Variants in ASXL2 observed in about 807,000 individuals in gnomAD.
ASXL2 encodes putative Polycomb group protein ASXL2.
In ASXL2, 23 loss-of-function variants were observed where a neutral mutation model predicts 122.0. The observed-to-expected ratio is 0.19, with a 90% CI of 0.14 to 0.27. The LOEUF (loss-of-function observed/expected upper bound fraction) is 0.27, where lower values mean the gene tolerates loss of function less well. Among genes scored for constraint, ASXL2 ranks in the 10% least tolerant of loss-of-function variants. The pLI is 1.00. For missense variants in ASXL2, 1,518 were observed against 1,713.8 expected (o/e 0.89, Z 2.02); for synonymous variants, 650 against 637.0 (o/e 1.02, Z -0.31).
chr2:25,778,579 A>G (rs1414835021), intron 5 of ASXL2, among the ~76,000 whole-genome samples: 1 of 152,224 alleles, frequency 6.6e-6, no homozygotes, highest in African/African-American at 2.4e-5. Context: ...AGATATTTAT[A>G]TATGTGAAAT....
At chr2:25,852,400 A>C (rs2089727105) in intron 1 of ASXL2, among the ~76,000 whole-genome samples, 1 of 152,254 alleles carries the variant, frequency 6.6e-6, no homozygotes, top group African/African-American at 2.4e-5. Flanking sequence ...AATAACGGGA[A>C]TATTTCAATT....
intron 3 of ASXL2, among the ~76,000 whole-genome samples, chr2:25,818,292 T>A (rs2089262208): frequency 6.6e-6 from 1 of 152,188 alleles, no homozygotes; most frequent in Non-Finnish European, 1.5e-5. Flanking sequence ...GTGGATCACT[T>A]GATGTCAGGA....
Position 25,871,514 on chromosome 2 carries a change from A to G in ASXL2, c.57+6652T>C, listed in dbSNP as rs557302713. Among the ~76,000 whole-genome samples, 19 of 151,758 alleles carry G rather than the reference A, an allele frequency of 1.3e-4. No individual in the cohort carries two copies. The South Asian group carries it at 3.9e-3, about 31-fold the overall frequency. On this transcript the variant is annotated intron_variant, in intron 1 of 12. Coordinates refer to ENST00000435504, the MANE Select transcript of ASXL2 (RefSeq NM_018263.6). The stretch of plus-strand genomic sequence containing the variant: ...ATCTGCTTTTTTCCCCTCCTTCAAC[A>G]AACTAGGAGGCTTGTGGGCTTTCAG...
In ASXL2 at chr2:25,743,783, C is replaced by G. The variant is rs1397489883; in HGVS notation, c.2554G>C (p.Asp852His). 3 of 1,613,918 alleles carry G rather than the reference C, an allele frequency of 1.9e-6. No homozygotes were observed. In the African/African-American group the frequency reaches 4.0e-5, roughly 22 times the overall value. ...CCTGCTTTGAGCTCAACTGTGCCAT[C>G]AGCTGCACAATGAACAGGTGAGGCA... ...SGASPVHCAA[D>H]GTVELKAGPS... The change falls in exon 13 of 13, where the codon GAT becomes CAT. Residue 852 changes from aspartate (D) to histidine (H), a missense_variant. Physicochemically the swap from Asp to His is moderately conservative, Grantham distance 81. Around this residue, in one of 8 missense-constraint regions of ASXL2, gnomAD observed 831 missense variants for 833.1 expected, o/e 1.00. Coordinates refer to ENST00000435504, the MANE Select transcript of ASXL2 (RefSeq NM_018263.6).
At chr2:25,750,563 AAAG>A in intron 11 of ASXL2, 150 bp from the exon 12 acceptor site, 1 of 724,970 alleles carries the variant, frequency 1.4e-6, no homozygotes, top group Non-Finnish European at 2.2e-6. Context: ...AGTAGTAGTG[AAAG>A]TTCTGGAGTC....
Position 25,813,877 on chromosome 2 carries a change from T to C in ASXL2, c.144-7540A>G, listed in dbSNP as rs188306622. Among the ~76,000 whole-genome samples the C allele has an allele frequency of 8.0e-4, 121 of 152,150 alleles. No individual in the cohort carries two copies. In the Middle Eastern group the frequency reaches 0.01, roughly 13 times the overall value. On this transcript the variant is annotated intron_variant, in intron 3 of 12. Transcript: ENST00000435504. ...CATCCTGGCTAACACGGTGAAACCCTGACTCTACTAAAAATACCAAAAATT... is the reference window on the plus strand; with the variant it reads ...CATCCTGGCTAACACGGTGAAACCCCGACTCTACTAAAAATACCAAAAATT...
At chr2:25,873,931 G>C (rs1247646047) in intron 1 of ASXL2, among the ~76,000 whole-genome samples, 1 of 152,114 alleles carries the variant, frequency 6.6e-6, no homozygotes, top group Non-Finnish European at 1.5e-5. Flanking sequence ...AGGCAAACAA[G>C]ATCAATAAGA....
chr2:25,784,674 G>C (rs2088708718), intron 5 of ASXL2, among the ~76,000 whole-genome samples: 1 of 152,192 alleles, frequency 6.6e-6, no homozygotes, highest in East Asian at 1.9e-4. Flanking sequence ...TTGGGTTATA[G>C]CAGCATCACT....
chr2:25,742,176 G>T lies in ASXL2; in HGVS notation c.4161C>A (p.Phe1387Leu). The T allele has an allele frequency of 6.2e-7, 1 of 1,614,030 alleles. No individual in the cohort carries two copies. Residue 1387 changes from phenylalanine to leucine, a missense_variant, in exon 13 of 13, where the codon TTC (phenylalanine) becomes TTA (leucine). Phe to Leu is a conservative substitution (Grantham distance 22). Coordinates refer to ENST00000435504, the MANE Select transcript of ASXL2 (RefSeq NM_018263.6). ...SHGQTIPVQA[F>L]SEENSIEGTP... Reference sequence around the variant, plus strand: ...TGCCCTCTATGCTGTTCTCTTCGGAGAACGCCTGAACAGGAATGGTCTGGC... The same window carrying T: ...TGCCCTCTATGCTGTTCTCTTCGGATAACGCCTGAACAGGAATGGTCTGGC...
chr2:25,870,625 T>C (rs553289205), intron 1 of ASXL2, among the ~76,000 whole-genome samples: 26 of 152,120 alleles, frequency 1.7e-4, no homozygotes, highest in African/African-American at 5.3e-4. Flanking sequence ...TAAGCCGTGA[T>C]TGAATGCCAC....
intron 1 of ASXL2, among the ~76,000 whole-genome samples, chr2:25,857,301 G>A (rs1351389934): frequency 6.6e-6 from 1 of 152,054 alleles, no homozygotes; most frequent in African/African-American, 2.4e-5. Flanking sequence ...ACATTCTACT[G>A]CAAAAATAGT....
intron 8 of ASXL2, among the ~76,000 whole-genome samples, chr2:25,763,154 A>G (rs987248941): frequency 6.6e-6 from 1 of 152,200 alleles, no homozygotes; most frequent in African/African-American, 2.4e-5. Context: ...CATTATTAAT[A>G]AATCAAGCAA....
chr2:25,770,246 T>A (rs1451837171), intron 6 of ASXL2, among the ~76,000 whole-genome samples: 1 of 152,190 alleles, frequency 6.6e-6, no homozygotes, highest in Admixed American at 6.5e-5. Flanking sequence ...TCTTGCTCTG[T>A]TGCCCAGGCT....
Position 25,744,546 on chromosome 2 carries a change from A to G in ASXL2, c.1861-70T>C. On this transcript the variant is annotated intron_variant, in intron 12 of 12. Transcript: ENST00000435504. The surrounding 1 kb of genome is among the most constrained non-coding windows in gnomAD (Gnocchi z 4.7). ...TTTGTAAGAATAACAAAACTTCATT[A>G]GCCCTCACATTTTAAAAACAGATGA... 2.7e-6 allele frequency: 4 copies of G among 1,481,264 alleles called. No individual in the cohort carries two copies. Among genetic ancestry groups the G allele is most frequent in the Admixed American group, 2.3e-5 (1 of 44,014 alleles). 91.8% of individuals were successfully genotyped at this position (1,481,264 alleles called of 1,614,324 possible). A position where few individuals can be genotyped will look rare whatever the true frequency, so the allele number is the denominator to read the frequency against.
chr2:25,744,151 A>G lies in ASXL2; in HGVS notation c.2186T>C (p.Leu729Pro). 6.2e-7 allele frequency: 1 copy of G among 1,613,914 alleles called. No homozygotes were observed. The highest frequency in any genetic ancestry group is 1.3e-5 in the African/African-American group (1 of 75,000). Residue 729 changes from leucine to proline, a missense_variant, in exon 13 of 13, where the codon CTG becomes CCG. Leu to Pro is a moderately conservative substitution (Grantham distance 98). This residue lies in a region of ASXL2 where 831 missense variants were observed against 833.1 expected (regional missense o/e 1.00). Coordinates refer to ENST00000435504, the MANE Select transcript of ASXL2 (RefSeq NM_018263.6). This position sits in a 1 kb window ranked among gnomAD's most constrained non-coding sequence, Gnocchi z 4.7. ...CCTGCTTCCAGTTCCTGCCAGTTCCAGTGTGGGGCCCTTTCCAGTTTCACT... is the reference window on the plus strand; with the variant it reads ...CCTGCTTCCAGTTCCTGCCAGTTCCGGTGTGGGGCCCTTTCCAGTTTCACT... Reference protein sequence around the residue: ...RVSETGKGPTLELAGTGSRGG... With the variant: ...RVSETGKGPTPELAGTGSRGG...
intron 5 of ASXL2, among the ~76,000 whole-genome samples, chr2:25,798,412 A>G (rs185203294): frequency 6.6e-6 from 1 of 152,326 alleles, no homozygotes; most frequent in Admixed American, 6.5e-5. Context: ...GCCAATCTGA[A>G]AAGGTTCCAA....
chr2:25,797,649 A>G (rs890173716), intron 5 of ASXL2, among the ~76,000 whole-genome samples: 1 of 152,230 alleles, frequency 6.6e-6, no homozygotes, highest in Non-Finnish European at 1.5e-5. Context: ...GCTCCACAAC[A>G]TATGTCATTA....
chr2:25,834,816 A>G (rs1327344188), intron 3 of ASXL2, among the ~76,000 whole-genome samples: 2 of 151,862 alleles, frequency 1.3e-5, no homozygotes, highest in Admixed American at 6.6e-5. Flanking sequence ...CATGCCCCTA[A>G]AGGATTTACC....
chr2:25,848,413 G>A (rs1244118492), intron 1 of ASXL2, among the ~76,000 whole-genome samples: 1 of 151,818 alleles, frequency 6.6e-6, no homozygotes, highest in African/African-American at 2.4e-5. Flanking sequence ...ACAAGGTCAG[G>A]AGATCGAGAC....
Sources: gnomAD v4.1 joint callset for allele counts (sites outside exome capture counted in the v4.1 genomes callset) on GRCh38, gnomAD v4.1.1 for gene constraint, gnomAD v4.1.1 regional missense constraint, Gnocchi (gnomAD v3.1) non-coding constraint, MANE v1.5 for transcripts, NCBI Gene and HGNC (gene_info 2026-07-23, HGNC 2026-07-21) for gene names.